The following PCDHA10 variants were observed in gnomAD, a reference collection of about 807,000 sequenced individuals.
PCDHA10 encodes the protein protocadherin alpha-10.
A neutral mutation model predicts 61.2 loss-of-function variants in PCDHA10; 45 were observed. The observed-to-expected ratio is 0.74, with a 90% CI of 0.58 to 0.94. The LOEUF (loss-of-function observed/expected upper bound fraction) is 0.94, where lower values mean the gene tolerates loss of function less well. Ranked by LOEUF, PCDHA10 falls within the 40% of genes least tolerant of loss-of-function variation. PCDHA10 has a pLI of 0.00. For synonymous variants in PCDHA10, 602 were observed against 548.8 expected (o/e 1.10, Z -1.35); for missense variants, 1,278 against 1,236.2 (o/e 1.03, Z -0.51).
At chr5:140,935,721 A>G (rs2090523952) in intron 1 of PCDHA10, among the ~76,000 whole-genome samples, 1 of 152,196 alleles carries the variant, frequency 6.6e-6, no homozygotes, top group African/African-American at 2.4e-5. Context: ...ATATATTTAG[A>G]GAAGTCTAGT....
At chr5:141,001,333 T>G (rs1554258097) in intron 3 of PCDHA10, among the ~76,000 whole-genome samples, 1 of 152,178 alleles carries the variant, frequency 6.6e-6, no homozygotes, top group African/African-American at 2.4e-5. Context: ...TCACCATAAT[T>G]TACATGATGT....
rs782395924 is a variant in PCDHA10 at position 140,857,869 on chromosome 5, G to T, written c.1821G>T (p.Ser607=). The change falls in exon 1 of 4, where the codon TCG becomes TCT. Residue 607 remains serine (S), a synonymous_variant. Transcript: ENST00000307360. ...DADSGYNAWL[S]YELQSAAVGA... Reference sequence around the variant, plus strand: ...ACTCTGGATACAACGCGTGGCTGTCGTATGAATTGCAGTCGGCGGCGGTTG... The same window carrying T: ...ACTCTGGATACAACGCGTGGCTGTCTTATGAATTGCAGTCGGCGGCGGTTG... 3 of 1,597,830 alleles carry T rather than the reference G, an allele frequency of 1.9e-6. No individual in the cohort carries two copies. Among genetic ancestry groups the T allele is most frequent in the Admixed American group, 1.7e-5 (1 of 59,244 alleles).
chr5:140,870,469 C>T, intron 1 of PCDHA10: 1 of 1,614,246 alleles, frequency 6.2e-7, no homozygotes. Context: ...TGCGTTCGCA[C>T]AGCCCGAGTA....
chr5:140,934,941 T>C (rs1397192075), intron 1 of PCDHA10, among the ~76,000 whole-genome samples: 4 of 152,172 alleles, frequency 2.6e-5, no homozygotes, highest in African/African-American at 9.6e-5. Context: ...AAAACTAGTA[T>C]AGAGAGATCC....
chr5:140,969,125 C>T (rs2096298194), intron 1 of PCDHA10: 3 of 1,614,152 alleles, frequency 1.9e-6, no homozygotes, highest in East Asian at 2.2e-5. Flanking sequence ...GAATGGCTCC[C>T]TCACCAAGAC....
At chr5:140,977,141 C>T (rs1264237183) in intron 1 of PCDHA10, among the ~76,000 whole-genome samples, 1 of 152,204 alleles carries the variant, frequency 6.6e-6, no homozygotes, top group Non-Finnish European at 1.5e-5. Flanking sequence ...GTCAGTCCTG[C>T]TGGAACTGTG....
At chr5:140,985,851 TG>T (rs1269261138) in intron 3 of PCDHA10, among the ~76,000 whole-genome samples, 1 of 149,322 alleles carries the variant, frequency 6.7e-6, no homozygotes, top group Non-Finnish European at 1.5e-5. Flanking sequence ...GCCACTCTCC[TG>T]CCTCAGCCTC....
chr5:140,870,250 C>G (rs1562640720), intron 1 of PCDHA10: 1 of 1,614,092 alleles, frequency 6.2e-7, no homozygotes, highest in African/African-American at 1.3e-5. Flanking sequence ...TGTCAACGGA[C>G]AGGTGACCTG....
rs182447320 is a variant in PCDHA10, at chr5:140,868,739, C to A, written c.2388+10303C>A. 921 of 204,056 alleles carry A rather than the reference C, an allele frequency of 4.5e-3. 4 individuals carry two copies. The highest frequency in any genetic ancestry group is 0.012 in the Middle Eastern group (6 of 494). The allele number at this position is 204,056 out of a possible 1,614,324, so 12.6% of individuals were successfully genotyped here. ...TAAATTTGATGTTAATCGAGAAATACAATGCCATTTCCATATATATTTAGT... is the reference window on the plus strand; with the variant it reads ...TAAATTTGATGTTAATCGAGAAATAAAATGCCATTTCCATATATATTTAGT... On this transcript the variant is annotated intron_variant, in intron 1 of 3. Transcript: ENST00000307360.
intron 1 of PCDHA10, among the ~76,000 whole-genome samples, chr5:140,890,919 G>A (rs181566078): frequency 3.0e-4 from 46 of 152,178 alleles, no homozygotes; most frequent in Admixed American, 9.2e-4. Flanking sequence ...TAATTTGAGA[G>A]TTTCCTTTAG....
rs1169646324 is a variant in PCDHA10 at position 141,011,134 on chromosome 5, ATACACAACCT to A, written c.*1199_*1208del. The A allele has an allele frequency of 6.5e-6, 1 of 153,688 alleles. No homozygotes were observed. Among genetic ancestry groups the A allele is most frequent in the East Asian group, 1.9e-4 (1 of 5,194 alleles). The allele number at this position is 153,688 out of a possible 1,614,324, so 9.5% of individuals were successfully genotyped here. ...CTAAGAAACAATTATGTGCACTTTG[ATACACAACCT>A]TCTCTAACCAACTATATATCAAGAC... On this transcript the variant is annotated 3_prime_UTR_variant, in exon 4 of 4. Transcript: ENST00000307360.
At chr5:140,917,892 T>C (rs1382149175) in intron 1 of PCDHA10, among the ~76,000 whole-genome samples, 2 of 152,104 alleles carry the variant, frequency 1.3e-5, no homozygotes, top group African/African-American at 4.8e-5. Flanking sequence ...TTTTTCCATA[T>C]GAATGTTAGG....
At chr5:140,861,726 T>C (rs571512824) in intron 1 of PCDHA10, 11 of 216,910 alleles carry the variant, frequency 5.1e-5, no homozygotes, top group African/African-American at 2.6e-4. Flanking sequence ...AATGCTCTGA[T>C]GACTTACATA....
intron 1 of PCDHA10, chr5:140,926,257 C>T (rs888723043): frequency 5.2e-5 from 8 of 152,418 alleles, no homozygotes; most frequent in African/African-American, 1.4e-4. Context: ...ACCGTCCCGC[C>T]TCTCGCCGCC....
At chr5:140,961,981 T>G (rs1408145304) in intron 1 of PCDHA10, among the ~76,000 whole-genome samples, 1 of 152,076 alleles carries the variant, frequency 6.6e-6, no homozygotes, top group African/African-American at 2.4e-5. Context: ...CCTCCTGGGT[T>G]CACGCCATTG....
At chr5:140,950,080 C>G (rs528804395) in intron 1 of PCDHA10, among the ~76,000 whole-genome samples, 2 of 151,836 alleles carry the variant, frequency 1.3e-5, no homozygotes, top group Admixed American at 1.3e-4. Context: ...ATTGCTTATG[C>G]TATAGTTTTC....
rs2055991111 is a variant in PCDHA10 at position 140,875,957 on chromosome 5, T to C, written c.2388+17521T>C. 1.1e-5 allele frequency: 17 copies of C among 1,614,050 alleles called. No individual in the cohort carries two copies. The highest frequency in any genetic ancestry group is 1.4e-5 in the Non-Finnish European group (16 of 1,180,000). ...CTAGAGGGCGCTTCTGATGCGGATA[T>C]CGGCGTAAACTCTCTTTTGACCTAT... On this transcript the variant is annotated intron_variant, in intron 1 of 3. Coordinates refer to ENST00000307360, the MANE Select transcript of PCDHA10 (RefSeq NM_018901.4).
chr5:140,909,010 G>C (rs2074261521), intron 1 of PCDHA10, among the ~76,000 whole-genome samples: 1 of 152,120 alleles, frequency 6.6e-6, no homozygotes, highest in South Asian at 2.1e-4. Flanking sequence ...GAGGTAGAAG[G>C]TTCCTGAATT....
intron 1 of PCDHA10, chr5:140,967,556 G>A (rs1586226034): frequency 6.2e-7 from 1 of 1,614,030 alleles, no homozygotes; most frequent in East Asian, 2.2e-5. Context: ...CACTTATCGC[G>A]TCCAGCTACG....
Sources: allele counts gnomAD v4.1 joint callset (sites outside exome capture counted in the v4.1 genomes callset), GRCh38; gene constraint gnomAD v4.1.1; transcripts MANE v1.5; gene names NCBI Gene and HGNC (gene_info 2026-07-23, HGNC 2026-07-21).